Variants in CSMD1 observed in about 807,000 individuals in gnomAD.
The protein encoded by CSMD1 is CUB and Sushi multiple domains 1.
A neutral mutation model predicts 417.5 loss-of-function variants in CSMD1; 213 were observed. That is an observed-to-expected ratio of 0.51 (90% CI 0.46 to 0.57). The LOEUF (loss-of-function observed/expected upper bound fraction) is 0.57. CSMD1 is among the 20% of genes least tolerant of loss of function. CSMD1 has a pLI of 0.00. For missense variants in CSMD1, 6,923 were observed against 4,529.7 expected (o/e 1.53, Z -15.17); for synonymous variants, 2,862 against 1,736.8 (o/e 1.65, Z -16.11).
At chr8:4,713,781 G>A (rs1015161753) in intron 1 of CSMD1, among the ~76,000 whole-genome samples, 2 of 152,272 alleles carry the variant, frequency 1.3e-5, no homozygotes, top group Non-Finnish European at 2.9e-5. Flanking sequence ...AGCTTGGGCT[G>A]GAGATCATTC....
chr8:4,425,402 G>A (rs1365303598), intron 2 of CSMD1, among the ~76,000 whole-genome samples: 1 of 149,484 alleles, frequency 6.7e-6, no homozygotes, highest in Non-Finnish European at 1.5e-5. Context: ...AAAAAATAGA[G>A]TCCAACATTA....
intron 3 of CSMD1, among the ~76,000 whole-genome samples, chr8:4,245,248 C>T (rs988091012): frequency 9.0e-4 from 137 of 152,154 alleles, no homozygotes; most frequent in Non-Finnish European, 2.9e-4. Context: ...AATCAAGCAC[C>T]TGCATTACGC....
intron 20 of CSMD1, among the ~76,000 whole-genome samples, chr8:3,361,414 G>T (rs768369709): frequency 9.9e-5 from 15 of 151,892 alleles, no homozygotes; most frequent in Non-Finnish European, 1.5e-5. Context: ...GGATCATGAG[G>T]TCAGGAGTTT....
intron 1 of CSMD1, among the ~76,000 whole-genome samples, chr8:4,963,292 C>T (rs1048843026): frequency 5.3e-5 from 8 of 152,154 alleles, no homozygotes; most frequent in East Asian, 1.9e-4. Flanking sequence ...CCTCCACCTC[C>T]GGGGTTCAAG....
intron 1 of CSMD1, among the ~76,000 whole-genome samples, chr8:4,827,739 A>G (rs946560685): frequency 2.6e-5 from 4 of 152,144 alleles, no homozygotes; most frequent in African/African-American, 9.7e-5. Context: ...GTTTTACTCC[A>G]CTGTTATTTT....
chr8:4,156,079 C>T (rs1169466508), intron 3 of CSMD1, among the ~76,000 whole-genome samples: 1 of 152,106 alleles, frequency 6.6e-6, no homozygotes, highest in African/African-American at 2.4e-5. Context: ...TGGAATAGGG[C>T]TGGCTGGAGT....
intron 2 of CSMD1, among the ~76,000 whole-genome samples, chr8:4,560,880 T>C (rs1437162924): frequency 2.0e-5 from 3 of 152,178 alleles, no homozygotes; most frequent in Admixed American, 1.3e-4. Context: ...CCCACAGTGG[T>C]GTCTCTTCCT....
chr8:3,578,961 A>G (rs1430796180), intron 9 of CSMD1, among the ~76,000 whole-genome samples: 3 of 152,244 alleles, frequency 2.0e-5, no homozygotes, highest in Non-Finnish European at 1.5e-5. Flanking sequence ...AAACTATAGT[A>G]GAATGCCTCT....
chr8:3,072,893 T>C (rs1417895508), intron 49 of CSMD1, among the ~76,000 whole-genome samples: 1 of 152,132 alleles, frequency 6.6e-6, no homozygotes, highest in Non-Finnish European at 1.5e-5. Context: ...TTCAGAGTAA[T>C]GCAAAACCCA....
intron 3 of CSMD1, among the ~76,000 whole-genome samples, chr8:4,320,109 C>CT (rs1799183958): frequency 1.3e-5 from 2 of 152,142 alleles, no homozygotes; most frequent in South Asian, 4.1e-4. Flanking sequence ...AAATCCAACC[C>CT]TTTGCAAGTA....
At chr8:3,484,736 T>C (rs1441431203) in intron 11 of CSMD1, among the ~76,000 whole-genome samples, 1 of 152,140 alleles carries the variant, frequency 6.6e-6, no homozygotes. Flanking sequence ...TCTCCAAACT[T>C]AGTAAGAAAC....
Position 3,091,603 on chromosome 8 carries a change from T to A in CSMD1, c.7198A>T (p.Asn2400Tyr). 1 of 1,611,690 alleles carries A rather than the reference T, an allele frequency of 6.2e-7. No homozygotes were observed. The highest frequency in any genetic ancestry group is 8.5e-7 in the Non-Finnish European group (1 of 1,179,438). Residue 2400 changes from asparagine to tyrosine, a missense_variant, in exon 48 of 70, where the codon AAT (asparagine) becomes TAT (tyrosine). Transcript: ENST00000635120. ...AACTGATTACTCCTGCTTGTAAAAT[T>A]TGATTGTTCAGTATGATTCCCACTT... ...VLSGNHTEQS[N>Y]FTSRSNQLYL...
At chr8:3,108,260 A>G (rs1445831808) in intron 44 of CSMD1, among the ~76,000 whole-genome samples, 1 of 152,186 alleles carries the variant, frequency 6.6e-6, no homozygotes, top group Non-Finnish European at 1.5e-5. Context: ...GTTTGCTTTC[A>G]CACCATTTAT....
At chr8:2,942,166 G>C (rs953566846) in intron 69 of CSMD1, among the ~76,000 whole-genome samples, 1 of 151,916 alleles carries the variant, frequency 6.6e-6, no homozygotes, top group Non-Finnish European at 1.5e-5. Flanking sequence ...CACACACTGG[G>C]GCCTGTGGGG....
intron 12 of CSMD1, among the ~76,000 whole-genome samples, chr8:3,457,161 T>G (rs2117133923): frequency 7.4e-6 from 1 of 134,544 alleles, no homozygotes; most frequent in African/African-American, 2.6e-5. Context: ...CCTCATCCTG[T>G]ACCTCTCTTC....
intron 1 of CSMD1, among the ~76,000 whole-genome samples, chr8:4,813,180 C>T (rs1473787121): frequency 2.6e-5 from 4 of 152,142 alleles, no homozygotes; most frequent in South Asian, 2.1e-4. Context: ...ATACACTAAA[C>T]GAAATACTGC....
intron 5 of CSMD1, among the ~76,000 whole-genome samples, chr8:3,923,560 A>C (rs1292771267): frequency 6.6e-6 from 1 of 152,172 alleles, no homozygotes; most frequent in African/African-American, 2.4e-5. Flanking sequence ...TACACTGTGA[A>C]ATAATTAAAT....
At chr8:4,135,336 A>AG (rs779254924) in intron 3 of CSMD1, among the ~76,000 whole-genome samples, 1 of 34,314 alleles carries the variant, frequency 2.9e-5, no homozygotes, top group Non-Finnish European at 6.3e-5. Context: ...AGGAAGGGGA[A>AG]AGAAGGAAGG....
At chr8:3,739,893 T>C (rs1796705708) in intron 6 of CSMD1, among the ~76,000 whole-genome samples, 1 of 152,180 alleles carries the variant, frequency 6.6e-6, no homozygotes, top group Non-Finnish European at 1.5e-5. Flanking sequence ...TAAATAATGC[T>C]GGTTGCAGCC....
Sources: gnomAD v4.1 joint callset for allele counts (sites outside exome capture counted in the v4.1 genomes callset) on GRCh38, gnomAD v4.1.1 for gene constraint, MANE v1.5 for transcripts, NCBI Gene and HGNC (gene_info 2026-07-23, HGNC 2026-07-21) for gene names.